The following MAMLD1 variants were observed in gnomAD, a reference collection of about 807,000 sequenced individuals.
MAMLD1 encodes the protein mastermind like domain containing 1.
MAMLD1 carries 14 observed loss-of-function variants against 45.0 expected under a neutral mutation model. That is an observed-to-expected ratio of 0.31 (90% confidence interval 0.21 to 0.49). The LOEUF (loss-of-function observed/expected upper bound fraction) is 0.49. Ranked by LOEUF, MAMLD1 falls within the 20% of genes least tolerant of loss-of-function variation. The pLI, the probability that MAMLD1 is intolerant of heterozygous loss-of-function variation, is 0.99. For synonymous variants in MAMLD1, 254 were observed against 247.8 expected (o/e 1.02, Z -0.24); for missense variants, 543 against 603.6 (o/e 0.90, Z 1.05).
At position 150,504,701 on chromosome X, in the gene MAMLD1, T is replaced by G. The variant is rs782288486; in HGVS notation, c.2284+1184T>G. 29 of 750,652 alleles carry G rather than the reference T, an allele frequency of 3.9e-5. No individual in the cohort carries two copies. The South Asian group carries it at 1.4e-3, about 37-fold the overall frequency. 61.9% of individuals were successfully genotyped at this position (750,652 alleles called of 1,213,427 possible). A position where few individuals can be genotyped will look rare whatever the true frequency, so the allele number is the denominator to read the frequency against. On this transcript the variant is annotated intron_variant, in intron 6 of 7. Coordinates refer to ENST00000370401, the MANE Select transcript of MAMLD1 (RefSeq NM_005491.5). ...ATGAAAGGATATCAGCTAGCTTGCC[T>G]TGAGAATTATTGTCCCTCACCTATT...
At position 150,505,153 on chromosome X, in the gene MAMLD1, G is replaced by A. The variant is rs1435794863; in HGVS notation, c.2284+1636G>A. On this transcript the variant is annotated intron_variant, in intron 6 of 7. Coordinates refer to ENST00000370401, the MANE Select transcript of MAMLD1 (RefSeq NM_005491.5). ...GTTTGCTTTCAGTGGCATTCATTTTGTGAAGCCCCCAGTGACAGCTTCAGA... is the reference window on the plus strand; with the variant it reads ...GTTTGCTTTCAGTGGCATTCATTTTATGAAGCCCCCAGTGACAGCTTCAGA... 3 of 642,748 alleles carry A rather than the reference G, an allele frequency of 4.7e-6. No homozygotes were observed. The African/African-American group carries it at 7.3e-5, about 16-fold the overall frequency. The allele number at this position is 642,748 out of a possible 1,213,427, so 53.0% of individuals were successfully genotyped here. A position where few individuals can be genotyped will look rare whatever the true frequency, so the allele number is the denominator to read the frequency against.
chrX:150,362,825 C>T (rs1039433980), upstream of MAMLD1: 1 of 112,872 alleles, frequency 8.9e-6, no homozygotes, highest in East Asian at 2.8e-4. Flanking sequence ...AGCGCACCGC[C>T]TAGGCAAGCC....
intron 1 of MAMLD1, among the ~76,000 whole-genome samples, chrX:150,393,029 T>C (rs1557402200): frequency 9.0e-6 from 1 of 111,518 alleles, no homozygotes; most frequent in African/African-American, 3.3e-5. Context: ...TTTGAACAAA[T>C]ATATGATGAC....
At chrX:150,421,550 ACCTTCTTAGGTAGTTTT>A (rs1347833123) in intron 1 of MAMLD1, among the ~76,000 whole-genome samples, 1 of 111,343 alleles carries the variant, frequency 9.0e-6, no homozygotes, top group East Asian at 2.8e-4. Flanking sequence ...CTCCCTACCC[ACCTTCTTAGGTAGTTTT>A]CTCTGTTGGA....
At chrX:150,510,137 C>A (rs1557409064) in intron 7 of MAMLD1, 91 bp downstream of exon 7, 3 of 569,656 alleles carry the variant, frequency 5.3e-6, no homozygotes, top group Non-Finnish European at 8.7e-6. Flanking sequence ...TAAGCAGTTA[C>A]TGTGCTTCTG....
intron 6 of MAMLD1, among the ~76,000 whole-genome samples, chrX:150,506,953 ACTGT>A (rs1201070797): frequency 2.7e-5 from 3 of 112,303 alleles, no homozygotes; most frequent in African/African-American, 6.5e-5. Flanking sequence ...CTTGGCTGAG[ACTGT>A]CTGTGAATGT....
intron 3 of MAMLD1, among the ~76,000 whole-genome samples, chrX:150,469,031 G>A (rs1350737637): frequency 2.8e-5 from 3 of 107,740 alleles, no homozygotes; most frequent in African/African-American, 1.0e-4. Context: ...CAATGAATAC[G>A]ATGCCTACAA....
chrX:150,392,833 G>A (rs2033245300), intron 1 of MAMLD1, among the ~76,000 whole-genome samples: 1 of 109,618 alleles, frequency 9.1e-6, no homozygotes, highest in Admixed American at 9.8e-5. Context: ...AAAATTAAAA[G>A]AAAGACAGAG....
chrX:150,366,667 T>C (rs1175846291), intron 1 of MAMLD1, among the ~76,000 whole-genome samples: 1 of 111,538 alleles, frequency 9.0e-6, no homozygotes, highest in African/African-American at 3.3e-5. Context: ...AATAGGATAT[T>C]CTCCAGAGGG....
chrX:150,375,981 A>G (rs1557401460), intron 1 of MAMLD1, among the ~76,000 whole-genome samples: 1 of 111,702 alleles, frequency 9.0e-6, no homozygotes, highest in African/African-American at 3.3e-5. Context: ...CCCTGGTGCT[A>G]CAGTGGGAAG....
At chrX:150,405,477 C>G (rs1557402634) in intron 1 of MAMLD1, among the ~76,000 whole-genome samples, 26 of 111,516 alleles carry the variant, frequency 2.3e-4, no homozygotes, top group South Asian at 1.5e-3. Context: ...GGAATTGGAA[C>G]TCCCTGAAGA....
intron 2 of MAMLD1, among the ~76,000 whole-genome samples, chrX:150,461,031 C>G (rs2036021147): frequency 8.9e-6 from 1 of 112,949 alleles, no homozygotes; most frequent in Admixed American, 9.3e-5. Context: ...TCCAGGTAGC[C>G]AGAGGCCAGG....
intron 1 of MAMLD1, among the ~76,000 whole-genome samples, chrX:150,365,114 C>CCCG (rs1456628115): frequency 2.7e-5 from 3 of 109,122 alleles, no homozygotes; most frequent in African/African-American, 6.6e-5. Flanking sequence ...CCCTCCCACC[C>CCCG]CCGCCGCCGC....
intron 1 of MAMLD1, among the ~76,000 whole-genome samples, chrX:150,375,331 A>G (rs989108141): frequency 1.8e-5 from 2 of 111,966 alleles, no homozygotes; most frequent in African/African-American, 6.5e-5. Flanking sequence ...CAAGCCCATC[A>G]TCATATTAAC....
chrX:150,424,612 A>G (rs1247585768), intron 1 of MAMLD1, among the ~76,000 whole-genome samples: 3 of 112,164 alleles, frequency 2.7e-5, no homozygotes, highest in African/African-American at 9.7e-5. Context: ...GGGTATAAAC[A>G]TTTTTCTCCT....
At chrX:150,403,833 G>A (rs1219814337) in intron 1 of MAMLD1, among the ~76,000 whole-genome samples, 5 of 100,107 alleles carry the variant, frequency 5.0e-5, no homozygotes, top group African/African-American at 1.8e-4. Flanking sequence ...AAGAAAGAGA[G>A]AGAGAGAGAG....
Position 150,430,196 on chromosome X carries a change from A to G in MAMLD1, c.-63-15258A>G, listed in dbSNP as rs1307998559. 2.8e-5 allele frequency among the ~76,000 whole-genome samples: 3 copies of G among 107,907 alleles called. No individual in the cohort carries two copies. The Admixed American group carries it at 3.0e-4, about 11-fold the overall frequency. The allele number at this position is 107,907 out of a possible 115,157, so 93.7% of individuals were successfully genotyped here. ...ACACCTGGCTAATTTTTGTATTTTT[A>G]ATAGAAATGGGGTTTCGCCATGTTG... is the stretch of plus-strand genomic sequence containing the variant. On this transcript the variant is annotated intron_variant, in intron 1 of 7. Coordinates refer to ENST00000370401, the MANE Select transcript of MAMLD1 (RefSeq NM_005491.5).
chrX:150,453,955 G>A (rs1378290967), intron 2 of MAMLD1, among the ~76,000 whole-genome samples: 4 of 112,179 alleles, frequency 3.6e-5, no homozygotes, highest in Non-Finnish European at 5.6e-5. Context: ...TTCACTTACC[G>A]TTTGTCCTAC....
chrX:150,383,580 G>A (rs1406729579), intron 1 of MAMLD1, among the ~76,000 whole-genome samples: 6 of 111,174 alleles, frequency 5.4e-5, no homozygotes, highest in South Asian at 7.5e-4. Context: ...GTTGTAAATG[G>A]TATGTGTTCT....
Sources: allele counts gnomAD v4.1 joint callset (sites outside exome capture counted in the v4.1 genomes callset), GRCh38; gene constraint gnomAD v4.1.1; transcripts MANE v1.5; gene names NCBI Gene and HGNC (gene_info 2026-07-23, HGNC 2026-07-21).